TENM3: variants seen among roughly 807,000 people sequenced by gnomAD.
TENM3 encodes teneurin-3.
Under a neutral mutation model 255.1 loss-of-function variants are expected in TENM3, and 63 were observed. The ratio of observed to expected loss-of-function variants is 0.25; its 90% CI spans 0.20 to 0.30. The LOEUF is 0.30. Ranked by LOEUF, TENM3 falls within the 10% of genes least tolerant of loss-of-function variation. The pLI is 1.00. For synonymous variants in TENM3, 1,306 were observed against 1,322.3 expected, an observed-to-expected ratio of 0.99 and a Z score of 0.27; for missense variants, 2,929 against 3,461.1, an observed-to-expected ratio of 0.85 and a Z score of 3.86.
chr4:181,830,918 T>C, the TENM3 span, among the ~76,000 whole-genome samples: 2 of 152,166 alleles, frequency 1.3e-5, no homozygotes, highest in Admixed American at 6.5e-5. Context: ...TCCCTAACTG[T>C]GTGCCTAAAT....
the TENM3 span, among the ~76,000 whole-genome samples, chr4:181,877,923 G>A: frequency 9.9e-5 from 15 of 152,146 alleles, no homozygotes; most frequent in Admixed American, 3.9e-4. Flanking sequence ...GGTGGTAGTG[G>A]GGAAACAGAG....
At chr4:182,594,975 C>T (rs2152397048) in intron 3 of TENM3, among the ~76,000 whole-genome samples, 1 of 152,252 alleles carries the variant, frequency 6.6e-6, no homozygotes, top group South Asian at 2.1e-4. Context: ...CTCAGCCTCC[C>T]AAAGTGTTGG....
chr4:182,719,933 C>T lies in TENM3; in HGVS notation c.2368+5700C>T, dbSNP rs185684307. On this transcript the variant is annotated intron_variant, in intron 13 of 27. Transcript: ENST00000511685. ...AAAATCAGGCAGGCGTGGTGGCACA[C>T]GCCTGTAGTCCGAGCTACTCAGGAG... Among the ~76,000 whole-genome samples, 13 of 151,988 alleles carry T rather than the reference C, an allele frequency of 8.6e-5. No individual in the cohort carries two copies. In the East Asian group the frequency reaches 1.8e-3, roughly 20 times the overall value.
upstream of TENM3, among the ~76,000 whole-genome samples, chr4:182,238,711 G>A (rs988914859): frequency 2.0e-5 from 3 of 152,124 alleles, no homozygotes; most frequent in Admixed American, 1.3e-4. Context: ...CTGTGCCTAC[G>A]GACTGAATCA....
the TENM3 span, among the ~76,000 whole-genome samples, chr4:181,550,758 CTA>C: frequency 1.3e-5 from 2 of 152,090 alleles, no homozygotes; most frequent in African/African-American, 4.8e-5. Context: ...TATTATTACT[CTA>C]GTTTTATAGC....
chr4:181,699,472 A>AAAAAAAAAT, the TENM3 span, among the ~76,000 whole-genome samples: 3 of 132,998 alleles, frequency 2.3e-5, no homozygotes, highest in African/African-American at 9.0e-5. Flanking sequence ...AAAAAAAAAA[A>AAAAAAAAAT]GAAAGAAAGA....
the TENM3 span, among the ~76,000 whole-genome samples, chr4:182,095,649 G>A: frequency 1.3e-5 from 2 of 152,256 alleles, no homozygotes; most frequent in South Asian, 2.1e-4. Flanking sequence ...AATACCTGGT[G>A]TTCAGTAGCA....
chr4:181,460,024 T>A, the TENM3 span, among the ~76,000 whole-genome samples: 2 of 151,956 alleles, frequency 1.3e-5, no homozygotes, highest in African/African-American at 4.8e-5. Flanking sequence ...GGTGTAAAGA[T>A]CTTGTATGTA....
At chr4:182,574,529 G>T (rs1421877859) in intron 3 of TENM3, among the ~76,000 whole-genome samples, 1 of 152,006 alleles carries the variant, frequency 6.6e-6, no homozygotes, top group Non-Finnish European at 1.5e-5. Flanking sequence ...AAATGTAAGA[G>T]CATTTCATTG....
chr4:182,018,805 C>T, the TENM3 span, among the ~76,000 whole-genome samples: 1 of 152,126 alleles, frequency 6.6e-6, no homozygotes, highest in Non-Finnish European at 1.5e-5. Flanking sequence ...GAGTGGTTAC[C>T]TAGTGCCAGA....
intron 3 of TENM3, among the ~76,000 whole-genome samples, chr4:182,523,634 A>G (rs1738812083): frequency 6.6e-6 from 1 of 152,110 alleles, no homozygotes; most frequent in Non-Finnish European, 1.5e-5. Flanking sequence ...ATTAGAGAAA[A>G]TGTTATTCCC....
At chr4:181,767,872 G>A in the TENM3 span, among the ~76,000 whole-genome samples, 13,070 of 152,186 alleles carry the variant, frequency 0.086, 687 homozygotes, top group Admixed American at 0.15. Context: ...TAGGAAGATT[G>A]AGAAATTTAA....
At chr4:181,872,363 C>T in the TENM3 span, among the ~76,000 whole-genome samples, 4 of 135,766 alleles carry the variant, frequency 2.9e-5, no homozygotes, top group South Asian at 2.4e-4. Context: ...TGTGCAGGTT[C>T]GTTACATAGG....
intron 4 of TENM3, among the ~76,000 whole-genome samples, chr4:182,621,128 C>A (rs1405288689): frequency 6.6e-6 from 1 of 151,748 alleles, no homozygotes; most frequent in African/African-American, 2.4e-5. Flanking sequence ...TTGCAGTGAA[C>A]CGAGGTCGCA....
the TENM3 span, among the ~76,000 whole-genome samples, chr4:181,935,316 CA>C: frequency 6.6e-6 from 1 of 152,186 alleles, no homozygotes; most frequent in South Asian, 2.1e-4. Context: ...AACTTCTTTA[CA>C]ATGTGAAGAA....
chr4:182,403,934 C>T (rs1769379653), intron 3 of TENM3, among the ~76,000 whole-genome samples: 1 of 152,164 alleles, frequency 6.6e-6, no homozygotes, highest in Non-Finnish European at 1.5e-5. Context: ...GTTGCCCAGG[C>T]TGATCTTGAA....
the TENM3 span, among the ~76,000 whole-genome samples, chr4:181,991,928 GTACTT>G: frequency 6.6e-6 from 1 of 152,016 alleles, no homozygotes; most frequent in Non-Finnish European, 1.5e-5. Flanking sequence ...ATCCTGCCTT[GTACTT>G]ATATGTCCCT....
intron 3 of TENM3, among the ~76,000 whole-genome samples, chr4:182,468,095 A>G (rs1241027507): frequency 6.6e-6 from 1 of 152,142 alleles, no homozygotes; most frequent in East Asian, 1.9e-4. Flanking sequence ...GCCAGTTTAA[A>G]AATGTTTTAG....
At chr4:181,478,341 T>C in the TENM3 span, among the ~76,000 whole-genome samples, 3 of 152,338 alleles carry the variant, frequency 2.0e-5, no homozygotes, top group East Asian at 3.9e-4. Flanking sequence ...ATTAGTATAG[T>C]CTTTCATTAA....
Sources: gnomAD v4.1 joint callset for allele counts (sites outside exome capture counted in the v4.1 genomes callset) on GRCh38, gnomAD v4.1.1 for gene constraint, MANE v1.5 for transcripts, NCBI Gene and HGNC (gene_info 2026-07-23, HGNC 2026-07-21) for gene names.